Variants in SLC45A3 observed in about 807,000 individuals in gnomAD.
The protein encoded by SLC45A3 is solute carrier family 45 member 3.
A neutral mutation model predicts 35.3 loss-of-function variants in SLC45A3; 17 were observed. That is an observed-to-expected ratio of 0.48 (90% confidence interval 0.33 to 0.72). The LOEUF (loss-of-function observed/expected upper bound fraction) is 0.72. Ranked by LOEUF, SLC45A3 falls within the 30% of genes least tolerant of loss-of-function variation. The pLI, the probability that SLC45A3 is intolerant of heterozygous loss-of-function variation, is 0.02. For synonymous variants in SLC45A3, 288 were observed against 334.3 expected, an observed-to-expected ratio of 0.86 and a Z score of 1.51; for missense variants, 597 against 731.7, an observed-to-expected ratio of 0.82 and a Z score of 2.12.
At position 205,669,558 on chromosome 1, in the gene SLC45A3, C is replaced by T. The variant is rs1009017987; in HGVS notation, c.-230-4672G>A. Among the ~76,000 whole-genome samples the T allele has an allele frequency of 1.3e-5, 2 of 152,080 alleles. No individual in the cohort carries two copies. The highest frequency in any genetic ancestry group is 2.4e-5 in the African/African-American group (1 of 41,424). Reference sequence around the variant, plus strand: ...CCCAGGCTGGGGGCAGCCCCCACCCCGGGCCTGTGTCATGCAGCAATTCTA... The same window carrying T: ...CCCAGGCTGGGGGCAGCCCCCACCCTGGGCCTGTGTCATGCAGCAATTCTA... On this transcript the variant is annotated intron_variant, in intron 1 of 4. Coordinates refer to ENST00000367145, the MANE Select transcript of SLC45A3 (RefSeq NM_033102.3). This position sits in a 1 kb window ranked among gnomAD's most constrained non-coding sequence, Gnocchi z 4.1.
rs1382738090 is a variant in SLC45A3, at chr1:205,659,065, C to T, written c.*169G>A. 2 of 692,162 alleles carry T rather than the reference C, an allele frequency of 2.9e-6. No homozygotes were observed. Among genetic ancestry groups the T allele is most frequent in the African/African-American group, 3.6e-5 (2 of 55,394 alleles). The allele number at this position is 692,162 out of a possible 1,614,324, so 42.9% of individuals were successfully genotyped here. On this transcript the variant is annotated 3_prime_UTR_variant, in exon 5 of 5. Transcript: ENST00000367145. The surrounding 1 kb of genome is among the most constrained non-coding windows in gnomAD (Gnocchi z 5.8). The stretch of plus-strand genomic sequence containing the variant: ...GAGAGAGGAGAGGGACGCCCCAGCC[C>T]CCAGCTGTGCAGCTACGCACCTCAG...
chr1:205,679,838 C>T (rs968275850), intron 1 of SLC45A3, among the ~76,000 whole-genome samples: 1 of 152,074 alleles, frequency 6.6e-6, no homozygotes, highest in Non-Finnish European at 1.5e-5. Flanking sequence ...CGGCCTGGGC[C>T]TGAGCACCCC....
intron 1 of SLC45A3, among the ~76,000 whole-genome samples, chr1:205,679,925 C>A (rs1241227756): frequency 6.6e-6 from 1 of 152,048 alleles, no homozygotes; most frequent in Non-Finnish European, 1.5e-5. Flanking sequence ...CTCATCCTGC[C>A]CCTTTCCGGT....
chr1:205,670,963 G>A (rs1485667225), intron 1 of SLC45A3, among the ~76,000 whole-genome samples: 1 of 152,226 alleles, frequency 6.6e-6, no homozygotes, highest in Non-Finnish European at 1.5e-5. Flanking sequence ...CCCAACAGGT[G>A]GCTGTGGCGC....
At chr1:205,673,910 C>T (rs1368749540) in intron 1 of SLC45A3, among the ~76,000 whole-genome samples, 1 of 152,220 alleles carries the variant, frequency 6.6e-6, no homozygotes, top group Admixed American at 6.5e-5. Context: ...GAATGTCAGA[C>T]AGCACTGAAA....
rs150450020 is a variant in SLC45A3, at chr1:205,663,336, C to G, written c.455G>C (p.Arg152Pro). The G allele has an allele frequency of 2.5e-6, 4 of 1,613,238 alleles. No individual in the cohort carries two copies. The highest frequency in any genetic ancestry group is 2.7e-5 in the African/African-American group (2 of 74,950). The change falls in exon 3 of 5, where the codon CGG becomes CCG. Residue 152 changes from arginine to proline, a missense_variant. Physicochemically the swap from Arg to Pro is moderately radical, Grantham distance 103. Around this residue, in one of 3 missense-constraint regions of SLC45A3, gnomAD observed 555 missense variants for 664.9 expected, o/e 0.83. Transcript: ENST00000367145. ...GGCCTGGCGACAGTGGTCCGGGTCC[C>G]GGAAGAGGTCAGAGAGCAGGGCCTC... ...PLEALLSDLF[R>P]DPDHCRQAYS...
chr1:205,678,825 G>A lies in SLC45A3; in HGVS notation c.-231+1569C>T, dbSNP rs192357196. The stretch of plus-strand genomic sequence containing the variant: ...GGGAGGAGATAAGGGAGGAATGAGG[G>A]AATGGGACTGATCCAACAGAATGGC... On this transcript the variant is annotated intron_variant, in intron 1 of 4. Transcript: ENST00000367145. Among the ~76,000 whole-genome samples the A allele has an allele frequency of 4.1e-4, 63 of 152,302 alleles. 1 individual carries two copies. The East Asian group carries it at 0.011, about 27-fold the overall frequency.
chr1:205,679,607 G>A (rs1231288832), intron 1 of SLC45A3, among the ~76,000 whole-genome samples: 1 of 151,952 alleles, frequency 6.6e-6, no homozygotes, highest in Non-Finnish European at 1.5e-5. Flanking sequence ...CCCCACCTGA[G>A]ACCTGGGAGG....
At chr1:205,665,600 G>A (rs960181691) in intron 1 of SLC45A3, among the ~76,000 whole-genome samples, 1 of 152,148 alleles carries the variant, frequency 6.6e-6, no homozygotes, top group Non-Finnish European at 1.5e-5. Flanking sequence ...GCTCACAGGG[G>A]CATGAAACCA....
Position 205,658,629 on chromosome 1 carries a change from C to G in SLC45A3, c.*605G>C. ...AACAGAAGGACCAACAGGCCACATC[C>G]TGATAAAAGGTAAGAGGGGGGTGGA... is the stretch of plus-strand genomic sequence containing the variant. On this transcript the variant is annotated 3_prime_UTR_variant, in exon 5 of 5. Coordinates refer to ENST00000367145, the MANE Select transcript of SLC45A3 (RefSeq NM_033102.3). 1 of 233,534 alleles carries G rather than the reference C, an allele frequency of 4.3e-6. No individual in the cohort carries two copies. The highest frequency in any genetic ancestry group is 8.5e-6 in the Non-Finnish European group (1 of 117,978). 14.5% of individuals were successfully genotyped at this position (233,534 alleles called of 1,614,324 possible). A position where few individuals can be genotyped will look rare whatever the true frequency, so the allele number is the denominator to read the frequency against.
intron 1 of SLC45A3, among the ~76,000 whole-genome samples, chr1:205,678,448 G>A (rs1671347001): frequency 6.6e-6 from 1 of 152,082 alleles, no homozygotes. Flanking sequence ...GCCCTGCCCA[G>A]GCTGAGAGCT....
chr1:205,678,218 G>A (rs1360515232), intron 1 of SLC45A3, among the ~76,000 whole-genome samples: 2 of 152,200 alleles, frequency 1.3e-5, no homozygotes, highest in Admixed American at 1.3e-4. Flanking sequence ...TTGGGAGGCT[G>A]AGGGAGGAGA....
At chr1:205,677,004 G>T (rs1671323794) in intron 1 of SLC45A3, among the ~76,000 whole-genome samples, 1 of 152,192 alleles carries the variant, frequency 6.6e-6, no homozygotes, top group Non-Finnish European at 1.5e-5. Context: ...AGATCCTAAG[G>T]GTTGGGGAGG....
intron 1 of SLC45A3, among the ~76,000 whole-genome samples, chr1:205,673,271 A>G (rs1671247864): frequency 6.6e-6 from 1 of 152,244 alleles, no homozygotes; most frequent in African/African-American, 2.4e-5. Flanking sequence ...GTGGGGCAGC[A>G]GTACCAAGAA....
intron 1 of SLC45A3, among the ~76,000 whole-genome samples, chr1:205,674,841 A>C (rs748020215): frequency 1.3e-5 from 2 of 151,768 alleles, no homozygotes; most frequent in Non-Finnish European, 2.9e-5. Flanking sequence ...TCCACCTCCC[A>C]AGTAGCTGGG....
Position 205,662,426 on chromosome 1 carries a change from T to C in SLC45A3, c.959-300A>G, listed in dbSNP as rs1258022236. ...GAGGGAACACAAAGACAGCTGGCCA[T>C]AGGCTTCAAGACGCTTCTAGGACGC... On this transcript the variant is annotated intron_variant, in intron 3 of 4. Coordinates refer to ENST00000367145, the MANE Select transcript of SLC45A3 (RefSeq NM_033102.3). The surrounding 1 kb of genome is among the most constrained non-coding windows in gnomAD (Gnocchi z 6.2). 5.2e-6 allele frequency: 7 copies of C among 1,341,852 alleles called. No individual in the cohort carries two copies. The highest frequency in any genetic ancestry group is 3.5e-5 in the Admixed American group (1 of 28,766). 83.1% of individuals were successfully genotyped at this position (1,341,852 alleles called of 1,614,324 possible).
rs971504986 is a variant in SLC45A3, at chr1:205,669,662, C to T, written c.-230-4776G>A. Among the ~76,000 whole-genome samples the T allele has an allele frequency of 1.3e-5, 2 of 152,194 alleles. No homozygotes were observed. The highest frequency in any genetic ancestry group is 2.4e-5 in the African/African-American group (1 of 41,452). On this transcript the variant is annotated intron_variant, in intron 1 of 4. Coordinates refer to ENST00000367145, the MANE Select transcript of SLC45A3 (RefSeq NM_033102.3). This position sits in a 1 kb window ranked among gnomAD's most constrained non-coding sequence, Gnocchi z 4.1. ...GTAGCCCCCACCCTGACCCCGCAGGCTCAGCGACCCTGCGTGTTCCCTGCA... is the reference window on the plus strand; with the variant it reads ...GTAGCCCCCACCCTGACCCCGCAGGTTCAGCGACCCTGCGTGTTCCCTGCA...
chr1:205,659,561 G>T lies in SLC45A3; in HGVS notation c.1335C>A (p.His445Gln). The T allele has an allele frequency of 6.2e-7, 1 of 1,600,808 alleles. No individual in the cohort carries two copies. Among genetic ancestry groups the T allele is most frequent in the Non-Finnish European group, 8.5e-7 (1 of 1,173,216 alleles). The part of the protein sequence containing the change: ...PKPGAPFPNG[H>Q]VGAGGSGLLP... ...GCAGGCCACTGCCTCCAGCACCCAC[G>T]TGTCCATTAGGGAAGGGAGCTCCAG... is the stretch of plus-strand genomic sequence containing the variant. The change falls in exon 5 of 5, where the codon CAC becomes CAA. Residue 445 changes from histidine (H) to glutamine (Q), a missense_variant. His to Gln is a conservative substitution (Grantham distance 24). Coordinates refer to ENST00000367145, the MANE Select transcript of SLC45A3 (RefSeq NM_033102.3). This position sits in a 1 kb window ranked among gnomAD's most constrained non-coding sequence, Gnocchi z 5.8.
intron 1 of SLC45A3, among the ~76,000 whole-genome samples, chr1:205,679,193 T>TA (rs1313591780): frequency 6.6e-6 from 1 of 152,122 alleles, no homozygotes; most frequent in Non-Finnish European, 1.5e-5. Flanking sequence ...GGGCTATTCT[T>TA]AGTCCCTGCT....
Sources: gnomAD v4.1 joint callset for allele counts (sites outside exome capture counted in the v4.1 genomes callset) on GRCh38, gnomAD v4.1.1 for gene constraint, gnomAD v4.1.1 regional missense constraint, Gnocchi (gnomAD v3.1) non-coding constraint, MANE v1.5 for transcripts, NCBI Gene and HGNC (gene_info 2026-07-23, HGNC 2026-07-21) for gene names.